STK3: variants seen among roughly 807,000 people sequenced by gnomAD.
STK3 encodes serine/threonine kinase 3.
Under a neutral mutation model 58.0 loss-of-function variants are expected in STK3, and 41 were observed. That is an observed-to-expected ratio of 0.71 (90% CI 0.55 to 0.92). STK3 has a LOEUF of 0.92. Among genes scored for constraint, STK3 ranks in the 40% least tolerant of loss-of-function variants. The pLI is 0.00. For missense variants in STK3, 479 were observed against 602.7 expected, an observed-to-expected ratio of 0.79 and a Z score of 2.15; for synonymous variants, 170 against 191.0, an observed-to-expected ratio of 0.89 and a Z score of 0.91.
chr8:98,553,351 C>G (rs1334706939), intron 8 of STK3: 30 of 152,060 alleles, frequency 2.0e-4, no homozygotes, highest in Admixed American at 2.0e-3. Context: ...CCATTAGACT[C>G]TCAAATCTAT....
intron 3 of STK3, among the ~76,000 whole-genome samples, chr8:98,849,225 CAAAAAA>C (rs1013187542): frequency 1.9e-5 from 1 of 52,148 alleles, no homozygotes; most frequent in Non-Finnish European, 4.2e-5. Flanking sequence ...GACTCCATCT[CAAAAAA>C]AAAAAAAAAA....
At chr8:98,565,895 A>G (rs1812440401) in intron 8 of STK3, among the ~76,000 whole-genome samples, 1 of 152,194 alleles carries the variant, frequency 6.6e-6, no homozygotes, top group Non-Finnish European at 1.5e-5. Flanking sequence ...TATGTAATAC[A>G]GTTGACCCAT....
chr8:98,605,105 C>G (rs899200443), intron 6 of STK3, among the ~76,000 whole-genome samples: 3 of 152,156 alleles, frequency 2.0e-5, no homozygotes, highest in Non-Finnish European at 4.4e-5. Flanking sequence ...TAACAAGTCT[C>G]TAAGAAGTTC....
chr8:98,824,982 T>C (rs1191616169), intron 1 of STK3, among the ~76,000 whole-genome samples: 2 of 152,250 alleles, frequency 1.3e-5, no homozygotes, highest in Non-Finnish European at 2.9e-5. Flanking sequence ...CATCCCACTC[T>C]TGTATGCATA....
At position 98,435,421 on chromosome 8, in the gene STK3, C is replaced by T. The variant is rs77205669; in HGVS notation, n.292-1103G>A. The stretch of plus-strand genomic sequence containing the variant: ...AAGTAAGCCATCTGAAGAGCCTGAG[C>T]TTCATTCTTTTGTCACCAGGGTACA... On this transcript the variant is annotated intron_variant and non_coding_transcript_variant, in intron 2 of 3. Coordinates refer to the STK3 transcript ENST00000517832. Among the ~76,000 whole-genome samples, 141 of 152,320 alleles carry T rather than the reference C, an allele frequency of 9.3e-4. 1 individual carries two copies. In the East Asian group the frequency reaches 0.024, roughly 26 times the overall value.
chr8:98,486,771 A>G (rs879398051), intron 10 of STK3, among the ~76,000 whole-genome samples: 1 of 152,208 alleles, frequency 6.6e-6, no homozygotes, highest in Non-Finnish European at 1.5e-5. Context: ...GTGTGATACA[A>G]TATTAAGGCA....
chr8:98,782,459 A>T, intron 1 of STK3: 1 of 267,826 alleles, frequency 3.7e-6, no homozygotes, highest in South Asian at 5.1e-5. Flanking sequence ...TTCTCATGGA[A>T]CACATCCACC....
At chr8:98,432,576 T>C (rs1172905624) in intron 3 of STK3, 1 of 167,144 alleles carries the variant, frequency 6.0e-6, no homozygotes, top group African/African-American at 2.4e-5. Flanking sequence ...TTGCATTTGT[T>C]ATTTCTACTT....
At position 98,902,906 on chromosome 8, in the gene STK3, A is replaced by G. The variant is rs529926718; in HGVS notation, c.-78-19072T>C. On this transcript the variant is annotated intron_variant, in intron 1 of 1. Coordinates refer to the STK3 transcript ENST00000519420. ...AGAAATTAATTTGCCCAAATTGACA[A>G]CTAGAACAGTGTAGAGTTAAGATTT... 7.2e-5 allele frequency among the ~76,000 whole-genome samples: 11 copies of G among 152,350 alleles called. No homozygotes were observed. In the South Asian group the frequency reaches 2.3e-3, roughly 32 times the overall value.
chr8:98,448,969 C>T (rs1218175758), intron 1 of STK3, among the ~76,000 whole-genome samples: 9 of 151,892 alleles, frequency 5.9e-5, no homozygotes, highest in Non-Finnish European at 1.5e-5. Flanking sequence ...GAAATTCTTT[C>T]TGATGTGTTG....
chr8:98,937,115 C>T (rs914077851), intron 1 of STK3, among the ~76,000 whole-genome samples: 1 of 152,166 alleles, frequency 6.6e-6, no homozygotes, highest in Non-Finnish European at 1.5e-5. Flanking sequence ...CTGAGCTGGT[C>T]CTGCTCCAAA....
At chr8:98,695,176 C>T (rs192235696) in intron 6 of STK3, among the ~76,000 whole-genome samples, 1,611 of 152,222 alleles carry the variant, frequency 0.011, 17 homozygotes, top group African/African-American at 0.033. Context: ...TCATGTCCTT[C>T]GCCCACTTTT....
intron 4 of STK3, among the ~76,000 whole-genome samples, chr8:98,745,711 T>C (rs1829594699): frequency 6.6e-6 from 1 of 152,016 alleles, no homozygotes; most frequent in South Asian, 2.1e-4. Context: ...GGTCAAAGAC[T>C]GGAAATCAAA....
chr8:98,771,276 T>A (rs894075147), intron 2 of STK3, among the ~76,000 whole-genome samples: 1 of 152,254 alleles, frequency 6.6e-6, no homozygotes, highest in African/African-American at 2.4e-5. Flanking sequence ...TACCAGTACT[T>A]CACTACTTTT....
At chr8:98,466,088 T>G (rs771262224) in intron 10 of STK3, among the ~76,000 whole-genome samples, 5 of 152,218 alleles carry the variant, frequency 3.3e-5, no homozygotes, top group Non-Finnish European at 7.3e-5. Flanking sequence ...TGATTTCTTA[T>G]CTCAGCGATT....
intron 3 of STK3, among the ~76,000 whole-genome samples, chr8:98,838,528 C>T (rs145209499): frequency 3.3e-5 from 5 of 151,870 alleles, no homozygotes; most frequent in East Asian, 3.9e-4. Flanking sequence ...AGAGCAGGAG[C>T]GAAAAAAGAG....
intron 3 of STK3, among the ~76,000 whole-genome samples, chr8:98,754,688 T>C (rs1830182623): frequency 6.6e-6 from 1 of 152,024 alleles, no homozygotes; most frequent in Non-Finnish European, 1.5e-5. Context: ...TTTTGTAGTT[T>C]TGGTAGAGAT....
chr8:98,841,269 C>T (rs748919155), intron 3 of STK3, among the ~76,000 whole-genome samples: 38 of 152,170 alleles, frequency 2.5e-4, no homozygotes, highest in Non-Finnish European at 4.3e-4. Context: ...CAAGAGATAA[C>T]TTTTGGGAGG....
intron 1 of STK3, among the ~76,000 whole-genome samples, chr8:98,385,159 T>C (rs1817777658): frequency 6.6e-6 from 1 of 151,612 alleles, no homozygotes; most frequent in Non-Finnish European, 1.5e-5. Flanking sequence ...AAAGGTTTGA[T>C]GGGTCCCCGA....
Sources: gnomAD v4.1 joint callset for allele counts (sites outside exome capture counted in the v4.1 genomes callset) on GRCh38, gnomAD v4.1.1 for gene constraint, MANE v1.5 for transcripts, NCBI Gene and HGNC (gene_info 2026-07-23, HGNC 2026-07-21) for gene names.